Variants in MAP4 observed in about 807,000 individuals in gnomAD.
MAP4 encodes the protein microtubule associated protein 4.
MAP4 carries 76 observed loss-of-function variants against 170.2 expected under a neutral mutation model. The observed-to-expected ratio is 0.45, with a 90% CI of 0.37 to 0.54. The LOEUF (loss-of-function observed/expected upper bound fraction) is 0.54. Ranked by LOEUF, MAP4 falls within the 20% of genes least tolerant of loss-of-function variation. The pLI, the probability that MAP4 is intolerant of heterozygous loss-of-function variation, is 0.00. For missense variants in MAP4, 2,506 were observed against 2,748.0 expected, an observed-to-expected ratio of 0.91 and a Z score of 1.97; for synonymous variants, 909 against 994.5, an observed-to-expected ratio of 0.91 and a Z score of 1.62.
chr3:48,042,810 A>T (rs914032276), intron 1 of MAP4, among the ~76,000 whole-genome samples: 1 of 152,234 alleles, frequency 6.6e-6, no homozygotes, highest in Non-Finnish European at 1.5e-5. Flanking sequence ...ATGGAATATT[A>T]TTCAGCCATA....
chr3:48,008,322 C>T (rs1238784743), intron 1 of MAP4, among the ~76,000 whole-genome samples: 1 of 152,220 alleles, frequency 6.6e-6, no homozygotes, highest in Non-Finnish European at 1.5e-5. Context: ...GGGCCTGCTT[C>T]ACAGACGGTT....
chr3:47,867,193 T>C (rs985810108), intron 17 of MAP4, 53 bp downstream of exon 17: 45 of 1,276,158 alleles, frequency 3.5e-5, no homozygotes, highest in Admixed American at 1.4e-4. Context: ...CTCCCTAGTA[T>C]ACCCCACAGT....
chr3:47,867,894 G>A (rs2151793344), intron 16 of MAP4, among the ~76,000 whole-genome samples: 1 of 152,288 alleles, frequency 6.6e-6, no homozygotes, highest in Non-Finnish European at 1.5e-5. Flanking sequence ...AGGAAGGAGG[G>A]GCCAGTGCTC....
intron 1 of MAP4, among the ~76,000 whole-genome samples, chr3:48,026,434 G>A (rs544895829): frequency 7.2e-5 from 11 of 152,292 alleles, no homozygotes; most frequent in African/African-American, 1.9e-4. Context: ...ATGATTCTTA[G>A]TAAATCACAT....
chr3:47,977,798 G>A, intron 3 of MAP4, 67 bp downstream of exon 3: 1 of 1,041,170 alleles, frequency 9.6e-7, no homozygotes. Context: ...CTCTTCAAAG[G>A]AGATTATCAA....
intron 3 of MAP4, among the ~76,000 whole-genome samples, chr3:47,936,262 C>T (rs1336592788): frequency 2.0e-5 from 3 of 151,746 alleles, no homozygotes; most frequent in Admixed American, 6.6e-5. Context: ...GGTGAAAACC[C>T]GTCTCTACTA....
chr3:47,858,179 A>G (rs1332524177), intron 17 of MAP4, among the ~76,000 whole-genome samples: 7 of 149,036 alleles, frequency 4.7e-5, no homozygotes, highest in Admixed American at 2.7e-4. Context: ...ACGCCCAGCT[A>G]ATTTTGTATT....
At chr3:47,967,115 T>G (rs1317487136) in intron 3 of MAP4, among the ~76,000 whole-genome samples, 1 of 151,756 alleles carries the variant, frequency 6.6e-6, no homozygotes, top group East Asian at 1.9e-4. Flanking sequence ...GGCGGGCAGA[T>G]GACCTGAGGT....
intron 6 of MAP4, 145 bp downstream of exon 6, chr3:47,918,574 T>C (rs1483056202): frequency 3.4e-6 from 2 of 579,986 alleles, no homozygotes; most frequent in Non-Finnish European, 6.3e-6. Flanking sequence ...CCTCCAGTGG[T>C]GATATCACTA....
Position 47,910,997 on chromosome 3 carries a change from G to C in MAP4, c.3424C>G (p.Pro1142Ala), listed in dbSNP as rs1305613354. Residue 1142 changes from proline to alanine, a missense_variant, in exon 9 of 21, where the codon CCT becomes GCT. Pro to Ala is a conservative substitution (Grantham distance 27). Coordinates refer to ENST00000683076, the MANE Select transcript of MAP4 (RefSeq NM_001385682.1). Reference protein sequence around the residue: ...DLTEAVVMGEPKEMTQPKVAG... With the variant: ...DLTEAVVMGEAKEMTQPKVAG... Reference sequence around the variant, plus strand: ...ACCTTAGGCTGAGTCATCTCTTTAGGCTCCCCCATCACCACTGCCTCCGTG... The same window carrying C: ...ACCTTAGGCTGAGTCATCTCTTTAGCCTCCCCCATCACCACTGCCTCCGTG... 2 of 1,536,088 alleles carry C rather than the reference G, an allele frequency of 1.3e-6. No individual in the cohort carries two copies.
chr3:48,048,875 G>A (rs1318018472), intron 1 of MAP4, among the ~76,000 whole-genome samples: 1 of 151,934 alleles, frequency 6.6e-6, no homozygotes, highest in African/African-American at 2.4e-5. Context: ...AACCACAACT[G>A]CAATCAAGAT....
chr3:47,916,223 C>T lies in MAP4; in HGVS notation c.1604G>A (p.Cys535Tyr). 1 of 1,614,180 alleles carries T rather than the reference C, an allele frequency of 6.2e-7. No individual in the cohort carries two copies. Among genetic ancestry groups the T allele is most frequent in the Non-Finnish European group, 8.5e-7 (1 of 1,180,030 alleles). ...ETEVVLIKNV[C>Y]LPPEMEVALT... is the part of the protein sequence containing the mutation. ...GGCCACCTCCATTTCTGGAGGCAGA[C>T]ATACGTTCTTGATGAGAACTACTTC... is the stretch of plus-strand genomic sequence containing the variant. Residue 535 changes from cysteine to tyrosine, a missense_variant, in exon 7 of 21, where the codon TGT becomes TAT. Transcript: ENST00000683076.
intron 3 of MAP4, chr3:47,973,279 G>GAGAA: frequency 7.1e-6 from 7 of 985,038 alleles, no homozygotes; most frequent in Non-Finnish European, 7.2e-6. Flanking sequence ...AAAAGAGAGA[G>GAGAA]AGAAAGAGAA....
intron 17 of MAP4, among the ~76,000 whole-genome samples, chr3:47,860,218 G>C (rs1559787652): frequency 6.6e-6 from 1 of 152,172 alleles, no homozygotes. Flanking sequence ...TTTCTTTCTT[G>C]TTTTCTTTTG....
At chr3:48,009,219 G>A (rs907493953) in intron 1 of MAP4, among the ~76,000 whole-genome samples, 3 of 152,004 alleles carry the variant, frequency 2.0e-5, no homozygotes, top group African/African-American at 4.8e-5. Flanking sequence ...TCCTGCCTCC[G>A]CCTCCCAAGT....
At chr3:48,022,321 AAAG>A (rs1389306670) in intron 1 of MAP4, among the ~76,000 whole-genome samples, 1 of 152,124 alleles carries the variant, frequency 6.6e-6, no homozygotes, top group African/African-American at 2.4e-5. Flanking sequence ...AGAAAAGCAA[AAAG>A]AAGATGATGA....
chr3:48,048,840 T>A (rs2100126008), intron 1 of MAP4, among the ~76,000 whole-genome samples: 1 of 152,098 alleles, frequency 6.6e-6, no homozygotes, highest in African/African-American at 2.4e-5. Flanking sequence ...TTCTAAGCAG[T>A]TTTGTCTCAT....
chr3:47,904,637 CTT>C (rs557636238), intron 9 of MAP4, among the ~76,000 whole-genome samples: 2 of 43,568 alleles, frequency 4.6e-5, no homozygotes, highest in African/African-American at 9.1e-5. Context: ...CTAATAATAT[CTT>C]TTTTTTTTTT....
intron 2 of MAP4, among the ~76,000 whole-genome samples, chr3:47,978,748 C>CTT (rs541932430): frequency 5.9e-5 from 8 of 135,834 alleles, no homozygotes; most frequent in African/African-American, 5.4e-5. Flanking sequence ...TTTTTTCCCT[C>CTT]TTTTTTTTTT....
Sources: allele counts gnomAD v4.1 joint callset (sites outside exome capture counted in the v4.1 genomes callset), GRCh38; gene constraint gnomAD v4.1.1; transcripts MANE v1.5; gene names NCBI Gene and HGNC (gene_info 2026-07-23, HGNC 2026-07-21).